Variants in BTBD9 observed in about 807,000 individuals in gnomAD.
The protein encoded by BTBD9 is BTB domain containing 9.
A neutral mutation model predicts 64.3 loss-of-function variants in BTBD9; 49 were observed. That is an observed-to-expected ratio of 0.76 (90% confidence interval 0.61 to 0.97). BTBD9 has a LOEUF of 0.97. Among genes scored for constraint, BTBD9 ranks in the 50% least tolerant of loss-of-function variants. BTBD9 has a pLI of 0.00. For missense variants in BTBD9, 598 were observed against 762.1 expected (o/e 0.78, Z 2.53); for synonymous variants, 260 against 274.7 (o/e 0.95, Z 0.53).
intron 6 of BTBD9, among the ~76,000 whole-genome samples, chr6:38,370,429 G>A (rs574670828): frequency 6.6e-6 from 1 of 152,218 alleles, no homozygotes; most frequent in South Asian, 2.1e-4. Flanking sequence ...AATCAGACTT[G>A]GAAAGATACT....
chr6:38,245,704 A>C (rs2127527564), intron 9 of BTBD9, among the ~76,000 whole-genome samples: 2 of 151,950 alleles, frequency 1.3e-5, no homozygotes, highest in South Asian at 2.1e-4. Flanking sequence ...CACAGAGGGA[A>C]TGTGGGGGGG....
At chr6:38,463,284 C>A (rs1051878163) in intron 6 of BTBD9, among the ~76,000 whole-genome samples, 3 of 152,124 alleles carry the variant, frequency 2.0e-5, no homozygotes, top group Admixed American at 6.5e-5. Context: ...TTTGTGGATT[C>A]CATTGGATTT....
chr6:38,281,558 A>C (rs1453407050), intron 8 of BTBD9, among the ~76,000 whole-genome samples: 1 of 152,212 alleles, frequency 6.6e-6, no homozygotes, highest in Non-Finnish European at 1.5e-5. Flanking sequence ...AAAGTGGTAG[A>C]ATTGTTTTTT....
chr6:38,525,409 T>A (rs966315228), intron 6 of BTBD9, among the ~76,000 whole-genome samples: 3 of 152,206 alleles, frequency 2.0e-5, no homozygotes, highest in East Asian at 3.8e-4. Flanking sequence ...AGTATCTTTA[T>A]AGCAGTGTGA....
chr6:38,349,251 A>T (rs1162461380), intron 6 of BTBD9, among the ~76,000 whole-genome samples: 1 of 152,158 alleles, frequency 6.6e-6, no homozygotes, highest in Non-Finnish European at 1.5e-5. Context: ...CACGAACTTT[A>T]CAGGGTACTT....
Position 38,521,088 on chromosome 6 carries a change from C to T in BTBD9, c.1154+56512G>A, listed in dbSNP as rs572549463. On this transcript the variant is annotated intron_variant, in intron 6 of 10. Transcript: ENST00000481247. The stretch of plus-strand genomic sequence containing the variant: ...GACACAGGAGCCCAACAGTTAAGAT[C>T]GTGACCTTACACACACTGTGTACCC... 6.6e-5 allele frequency among the ~76,000 whole-genome samples: 10 copies of T among 151,636 alleles called. No individual in the cohort carries two copies. In the Middle Eastern group the frequency reaches 0.01, roughly 156 times the overall value.
chr6:38,199,460 A>G (rs1472377058), intron 9 of BTBD9, among the ~76,000 whole-genome samples: 2 of 152,172 alleles, frequency 1.3e-5, no homozygotes, highest in Non-Finnish European at 2.9e-5. Flanking sequence ...GCCCATTTTT[A>G]GACCCTGAGG....
At chr6:38,522,392 T>C (rs1415469707) in intron 6 of BTBD9, among the ~76,000 whole-genome samples, 1 of 147,218 alleles carries the variant, frequency 6.8e-6, no homozygotes, top group Non-Finnish European at 1.5e-5. Context: ...CTTCACTTAA[T>C]AAGATTACTA....
intron 9 of BTBD9, among the ~76,000 whole-genome samples, chr6:38,231,725 C>G (rs1403917921): frequency 6.6e-6 from 1 of 152,226 alleles, no homozygotes; most frequent in East Asian, 1.9e-4. Context: ...TCACCTGAAC[C>G]TGCACTGGCA....
At chr6:38,574,968 C>T (rs902882196) in intron 6 of BTBD9, among the ~76,000 whole-genome samples, 4 of 152,130 alleles carry the variant, frequency 2.6e-5, no homozygotes, top group Admixed American at 6.6e-5. Context: ...AGAGAGAGGA[C>T]GGGGTAATCT....
At chr6:38,548,632 G>A (rs1774662579) in intron 6 of BTBD9, among the ~76,000 whole-genome samples, 1 of 152,092 alleles carries the variant, frequency 6.6e-6, no homozygotes, top group South Asian at 2.1e-4. Flanking sequence ...TCTTTCCCTA[G>A]AGATATGTAA....
At chr6:38,578,405 CAGG>C (rs1776147648) in intron 5 of BTBD9, among the ~76,000 whole-genome samples, 1 of 152,218 alleles carries the variant, frequency 6.6e-6, no homozygotes, top group Non-Finnish European at 1.5e-5. Context: ...CCATTACATG[CAGG>C]TCCCATCCTG....
intron 10 of BTBD9, 102 bp downstream of exon 10, chr6:38,192,417 G>T: frequency 2.9e-6 from 3 of 1,034,624 alleles, no homozygotes; most frequent in Non-Finnish European, 4.4e-6. Flanking sequence ...TGAATAGCAG[G>T]CCATTAGCAG....
chr6:38,610,987 C>A (rs1777601321), intron 1 of BTBD9, among the ~76,000 whole-genome samples: 2 of 151,916 alleles, frequency 1.3e-5, no homozygotes, highest in Admixed American at 6.6e-5. Context: ...TACAATATAG[C>A]CATCAATAAG....
intron 6 of BTBD9, among the ~76,000 whole-genome samples, chr6:38,433,223 C>T (rs1026303177): frequency 4.6e-5 from 7 of 151,882 alleles, no homozygotes; most frequent in African/African-American, 1.7e-4. Flanking sequence ...GAGATTTTTA[C>T]TTGCCTAATT....
chr6:38,577,734 GAA>G lies in BTBD9; in HGVS notation c.1035-17_1035-16del. 6.3e-7 allele frequency: 1 copy of G among 1,590,628 alleles called. No individual in the cohort carries two copies. The highest frequency in any genetic ancestry group is 8.5e-7 in the Non-Finnish European group (1 of 1,174,462). The stretch of plus-strand genomic sequence containing the variant: ...ATGAGTAAGACCTGTGAATCAAAAG[GAA>G]AAAGCAGAAAAAAATTACCACATTA... On this transcript the variant is annotated splice_polypyrimidine_tract_variant and intron_variant, in intron 5 of 10. Coordinates refer to ENST00000481247, the MANE Select transcript of BTBD9 (RefSeq NM_001099272.2).
At chr6:38,230,681 G>A (rs899496704) in intron 9 of BTBD9, among the ~76,000 whole-genome samples, 5 of 151,856 alleles carry the variant, frequency 3.3e-5, no homozygotes, top group African/African-American at 7.3e-5. Flanking sequence ...TTCCTTCACC[G>A]GCTTGGGAAG....
In BTBD9 at chr6:38,175,002, T is replaced by G; in HGVS notation, c.1822A>C (p.Asn608His). 2 of 1,613,992 alleles carry G rather than the reference T, an allele frequency of 1.2e-6. No individual in the cohort carries two copies. Among genetic ancestry groups the G allele is most frequent in the Non-Finnish European group, 1.7e-6 (2 of 1,180,020 alleles). Residue 608 changes from asparagine (N) to histidine (H), a missense_variant, in exon 11 of 11, where the codon AAC (asparagine) becomes CAC (histidine). Physicochemically the swap from Asn to His is moderately conservative, Grantham distance 68. Transcript: ENST00000481247. ...TGCCTCCTTTATTGGTGCTGCCGGT[T>G]GGGGGAGCGTGAGTTGGAGCCTGGG... The part of the protein sequence containing the change: ...SSPGSNSRSP[N>H]RQHQ
intron 6 of BTBD9, among the ~76,000 whole-genome samples, chr6:38,475,483 T>A (rs1332349242): frequency 6.6e-6 from 1 of 152,196 alleles, no homozygotes; most frequent in Non-Finnish European, 1.5e-5. Flanking sequence ...TCCCTCAGCA[T>A]CTCAAAGCCT....
Sources: allele counts gnomAD v4.1 joint callset (sites outside exome capture counted in the v4.1 genomes callset), GRCh38; gene constraint gnomAD v4.1.1; transcripts MANE v1.5; gene names NCBI Gene and HGNC (gene_info 2026-07-23, HGNC 2026-07-21).